The following PDE7B variants were observed in gnomAD, a reference collection of about 807,000 sequenced individuals.
The protein encoded by PDE7B is 3',5'-cyclic-AMP phosphodiesterase 7B.
In PDE7B, 29 loss-of-function variants were observed where a neutral mutation model predicts 56.2. The observed-to-expected ratio is 0.52, with a 90% CI of 0.38 to 0.70. The LOEUF (loss-of-function observed/expected upper bound fraction) is 0.70, where lower values mean the gene tolerates loss of function less well. Ranked by LOEUF, PDE7B falls within the 30% of genes least tolerant of loss-of-function variation. PDE7B has a pLI of 0.00. For synonymous variants in PDE7B, 197 were observed against 196.9 expected (o/e 1.00, Z 0.00); for missense variants, 490 against 565.0 (o/e 0.87, Z 1.35).
chr6:136,177,912 T>A (rs538053602), intron 9 of PDE7B, among the ~76,000 whole-genome samples: 1 of 152,292 alleles, frequency 6.6e-6, no homozygotes, highest in South Asian at 2.1e-4. Context: ...GATTTCATTA[T>A]CAATGGAATT....
chr6:136,162,314 C>T (rs143663849), intron 8 of PDE7B: 2,189 of 152,204 alleles, frequency 0.014, 20 homozygotes, highest in Non-Finnish European at 0.024. Context: ...GAAGCAAACA[C>T]GTCCTTCTTC....
chr6:136,144,754 T>C, intron 3 of PDE7B, among the ~76,000 whole-genome samples: 1 of 152,190 alleles, frequency 6.6e-6, no homozygotes, highest in East Asian at 1.9e-4. Context: ...CTGATTGTTT[T>C]GTGAAGTGTC....
intron 1 of PDE7B, among the ~76,000 whole-genome samples, chr6:135,857,043 TCCC>T: frequency 8.9e-6 from 1 of 112,514 alleles, no homozygotes; most frequent in East Asian, 3.1e-4. Context: ...CCTCCCTCCC[TCCC>T]TCCCTCCCTT....
At chr6:136,153,502 G>A (rs1164288674) in intron 6 of PDE7B, among the ~76,000 whole-genome samples, 1 of 152,178 alleles carries the variant, frequency 6.6e-6, no homozygotes, top group Non-Finnish European at 1.5e-5. Context: ...GAGCATGAAA[G>A]ATGATACTCT....
intron 1 of PDE7B, among the ~76,000 whole-genome samples, chr6:135,941,209 T>C (rs561244204): frequency 5.9e-5 from 9 of 152,232 alleles, no homozygotes; most frequent in African/African-American, 2.2e-4. Flanking sequence ...CCCCATAGAC[T>C]GATCATGGTT....
intron 1 of PDE7B, among the ~76,000 whole-genome samples, chr6:135,861,945 T>C (rs577563733): frequency 1.3e-5 from 2 of 151,878 alleles, no homozygotes; most frequent in African/African-American, 2.4e-5. Flanking sequence ...AGAAAAACAA[T>C]CAACTTCTGT....
At chr6:136,143,076 C>T (rs1778354875) in intron 3 of PDE7B, among the ~76,000 whole-genome samples, 1 of 152,144 alleles carries the variant, frequency 6.6e-6, no homozygotes, top group Non-Finnish European at 1.5e-5. Flanking sequence ...CATGTTTTTG[C>T]AGTGGCTGGT....
chr6:136,134,495 G>A lies in PDE7B; in HGVS notation c.167-12856G>A, dbSNP rs78185662. On this transcript the variant is annotated intron_variant, in intron 3 of 12. Transcript: ENST00000308191. Reference sequence around the variant, plus strand: ...GGAGGGTTCAATAAAACCACATTGCGCCTGGCATGTATTTCTTCTTTAGGA... The same window carrying A: ...GGAGGGTTCAATAAAACCACATTGCACCTGGCATGTATTTCTTCTTTAGGA... Among the ~76,000 whole-genome samples the A allele has an allele frequency of 3.2e-3, 489 of 151,988 alleles. 6 individuals are homozygous for A. The highest frequency in any genetic ancestry group is 0.01 in the African/African-American group (424 of 41,468).
chr6:135,896,856 C>A (rs1372076824), intron 1 of PDE7B, among the ~76,000 whole-genome samples: 1 of 152,104 alleles, frequency 6.6e-6, no homozygotes, highest in Non-Finnish European at 1.5e-5. Flanking sequence ...CCATCTCTGA[C>A]CCTCCTTGTG....
At chr6:135,919,940 C>A (rs936473421) in intron 1 of PDE7B, among the ~76,000 whole-genome samples, 5 of 152,076 alleles carry the variant, frequency 3.3e-5, no homozygotes, top group Admixed American at 1.3e-4. Context: ...AAAATTAGCT[C>A]ATTTAGCCTT....
intron 8 of PDE7B, among the ~76,000 whole-genome samples, chr6:136,163,340 A>C (rs1352652704): frequency 1.3e-5 from 2 of 152,222 alleles, no homozygotes; most frequent in Non-Finnish European, 2.9e-5. Flanking sequence ...CTTCTGAAGC[A>C]ATGGCCTGAG....
chr6:135,957,570 A>T (rs1055456475), intron 2 of PDE7B, among the ~76,000 whole-genome samples: 17 of 152,002 alleles, frequency 1.1e-4, no homozygotes, highest in Non-Finnish European at 2.1e-4. Flanking sequence ...CCAATTCACA[A>T]ATCCCTCTCC....
chr6:135,901,849 A>G (rs1776006473), intron 1 of PDE7B, among the ~76,000 whole-genome samples: 2 of 152,286 alleles, frequency 1.3e-5, no homozygotes, highest in East Asian at 1.9e-4. Context: ...TGCAGACACA[A>G]TGATTATTAC....
At chr6:136,145,331 CTG>C (rs1387562579) in intron 3 of PDE7B, among the ~76,000 whole-genome samples, 3 of 152,086 alleles carry the variant, frequency 2.0e-5, no homozygotes, top group African/African-American at 7.2e-5. Flanking sequence ...GTTGTCACTT[CTG>C]TCATTTTTAA....
At chr6:136,152,929 T>G (rs1778544644) in intron 6 of PDE7B, among the ~76,000 whole-genome samples, 1 of 152,186 alleles carries the variant, frequency 6.6e-6, no homozygotes, top group South Asian at 2.1e-4. Context: ...CTATCCCCAT[T>G]TTACAGAGGA....
chr6:136,117,254 A>T (rs868581287), intron 3 of PDE7B: 12 of 152,238 alleles, frequency 7.9e-5, no homozygotes, highest in African/African-American at 2.9e-4. Flanking sequence ...CTGAGCTAAA[A>T]TGACTTGTTT....
intron 2 of PDE7B, among the ~76,000 whole-genome samples, chr6:136,015,027 G>A (rs960325897): frequency 5.3e-5 from 8 of 152,340 alleles, no homozygotes; most frequent in South Asian, 4.1e-4. Flanking sequence ...ATGCGTGTGC[G>A]TGTACGTGTG....
chr6:135,884,171 T>C (rs1167465970), intron 1 of PDE7B, among the ~76,000 whole-genome samples: 1 of 152,242 alleles, frequency 6.6e-6, no homozygotes, highest in Admixed American at 6.5e-5. Context: ...TATCGCTATA[T>C]ATTTAATGGG....
chr6:136,057,899 A>G (rs1776765942), intron 2 of PDE7B, among the ~76,000 whole-genome samples: 1 of 151,936 alleles, frequency 6.6e-6, no homozygotes, highest in South Asian at 2.1e-4. Context: ...ACCTCGCCTG[A>G]CTAATTTTTT....
Sources: allele counts gnomAD v4.1 joint callset (sites outside exome capture counted in the v4.1 genomes callset), GRCh38; gene constraint gnomAD v4.1.1; transcripts MANE v1.5; gene names NCBI Gene and HGNC (gene_info 2026-07-23, HGNC 2026-07-21).